AKAP7: variants seen among roughly 807,000 people sequenced by gnomAD.
The protein encoded by AKAP7 is A kinase (PRKA) anchor protein 7.
A neutral mutation model predicts 39.5 loss-of-function variants in AKAP7; 39 were observed. That is an observed-to-expected ratio of 0.99 (90% CI 0.76 to 1.29). The LOEUF (loss-of-function observed/expected upper bound fraction) is 1.29. AKAP7 is among the 50% of genes most tolerant of loss of function. AKAP7 has a pLI of 0.00. For missense variants in AKAP7, 414 were observed against 407.7 expected, an observed-to-expected ratio of 1.02 and a Z score of -0.13; for synonymous variants, 140 against 139.1, an observed-to-expected ratio of 1.01 and a Z score of -0.05.
intron 7 of AKAP7, among the ~76,000 whole-genome samples, chr6:131,277,385 A>T (rs543642798): frequency 1.1e-4 from 17 of 152,388 alleles, no homozygotes; most frequent in Middle Eastern, 3.4e-3. Context: ...TCCAAAAAAG[A>T]ATATTCCTAT....
rs1815235974 is a variant in AKAP7, at chr6:131,281,955, C to G, written c.*229C>G. 1.6e-6 allele frequency: 2 copies of G among 1,215,670 alleles called. No individual in the cohort carries two copies. Among genetic ancestry groups the G allele is most frequent in the Non-Finnish European group, 1.0e-6 (1 of 978,178 alleles). The allele number at this position is 1,215,670 out of a possible 1,614,324, so 75.3% of individuals were successfully genotyped here. ...ATTAATTGATGAAAGAAGAATGGCCCAAGTTTCATTCGCCCTCAGCCACGC... is the reference window on the plus strand; with the variant it reads ...ATTAATTGATGAAAGAAGAATGGCCGAAGTTTCATTCGCCCTCAGCCACGC... On this transcript the variant is annotated 3_prime_UTR_variant, in exon 8 of 8. Coordinates refer to ENST00000431975, the MANE Select transcript of AKAP7 (RefSeq NM_016377.4). The surrounding 1 kb of genome is among the most constrained non-coding windows in gnomAD (Gnocchi z 4.0).
chr6:131,277,853 ATTGG>A (rs1814870791), intron 7 of AKAP7, among the ~76,000 whole-genome samples: 1 of 152,020 alleles, frequency 6.6e-6, no homozygotes, highest in Non-Finnish European at 1.5e-5. Context: ...TATTGTTTTG[ATTGG>A]TTGGTTGGTT....
At chr6:131,197,977 G>A (rs541426422) in intron 5 of AKAP7, among the ~76,000 whole-genome samples, 105 of 152,254 alleles carry the variant, frequency 6.9e-4, no homozygotes, top group Middle Eastern at 3.4e-3. Context: ...TGTATCAAGC[G>A]AATGAGTTAC....
intron 4 of AKAP7, 47 bp downstream of exon 4, chr6:131,165,264 T>C (rs1320511881): frequency 7.0e-7 from 1 of 1,423,124 alleles, no homozygotes; most frequent in African/African-American, 1.4e-5. Flanking sequence ...ATTATTACTT[T>C]AATATGAGTA....
intron 5 of AKAP7, among the ~76,000 whole-genome samples, chr6:131,196,374 T>C (rs1806933421): frequency 6.6e-6 from 1 of 152,016 alleles, no homozygotes; most frequent in African/African-American, 2.4e-5. Context: ...TAAGCGATTT[T>C]CCTTCCTCTG....
intron 2 of AKAP7, among the ~76,000 whole-genome samples, chr6:131,152,724 G>C (rs1433476662): frequency 6.6e-6 from 1 of 151,652 alleles, no homozygotes; most frequent in African/African-American, 2.4e-5. Context: ...CTGTTTGGGA[G>C]GCTGAAACAT....
In AKAP7 at chr6:131,282,602, T is replaced by C; in HGVS notation, c.*876T>C. ...CGTTGATTTCAGCACAACTTTGACA[T>C]AAGCTCTACATTGCGATTGTGACAA... On this transcript the variant is annotated 3_prime_UTR_variant, in exon 8 of 8. Coordinates refer to ENST00000431975, the MANE Select transcript of AKAP7 (RefSeq NM_016377.4). 1 of 1,533,176 alleles carries C rather than the reference T, an allele frequency of 6.5e-7. No homozygotes were observed. The highest frequency in any genetic ancestry group is 8.7e-7 in the Non-Finnish European group (1 of 1,144,558). The allele number at this position is 1,533,176 out of a possible 1,614,324, so 95.0% of individuals were successfully genotyped here.
intron 7 of AKAP7, among the ~76,000 whole-genome samples, chr6:131,249,720 C>T (rs1812290919): frequency 6.6e-6 from 1 of 152,148 alleles, no homozygotes; most frequent in South Asian, 2.1e-4. Flanking sequence ...TTTGCTGCCC[C>T]TGAATTTGCT....
chr6:131,179,308 G>A (rs1372089830), intron 5 of AKAP7, among the ~76,000 whole-genome samples: 1 of 152,042 alleles, frequency 6.6e-6, no homozygotes, highest in Non-Finnish European at 1.5e-5. Flanking sequence ...CGAGTAGCTG[G>A]GATTACAGGT....
At chr6:131,139,547 G>C (rs1800849850) in intron 1 of AKAP7, among the ~76,000 whole-genome samples, 1 of 152,172 alleles carries the variant, frequency 6.6e-6, no homozygotes, top group Non-Finnish European at 1.5e-5. Context: ...TTGTGCTGAG[G>C]CTGCCACTAA....
chr6:131,211,082 A>G (rs1305342950), intron 6 of AKAP7, among the ~76,000 whole-genome samples: 1 of 152,140 alleles, frequency 6.6e-6, no homozygotes, highest in Non-Finnish European at 1.5e-5. Flanking sequence ...GGTACCTAAG[A>G]TGTACAAAGT....
At chr6:131,225,310 T>C (rs1810069893) in intron 7 of AKAP7, among the ~76,000 whole-genome samples, 1 of 152,150 alleles carries the variant, frequency 6.6e-6, no homozygotes, top group East Asian at 1.9e-4. Flanking sequence ...CCATGTGGGT[T>C]TTGTGGTTGT....
At chr6:131,271,823 C>T (rs559473762) in intron 7 of AKAP7, among the ~76,000 whole-genome samples, 41 of 152,194 alleles carry the variant, frequency 2.7e-4, no homozygotes, top group Non-Finnish European at 3.1e-4. Context: ...GACAAGGCCA[C>T]GAATAGGTAC....
chr6:131,253,237 C>G (rs1368747776), intron 7 of AKAP7: 1 of 828,684 alleles, frequency 1.2e-6, no homozygotes, highest in Non-Finnish European at 1.8e-6. Flanking sequence ...CTATTGATAG[C>G]AAATGATGAT....
intron 3 of AKAP7, among the ~76,000 whole-genome samples, chr6:131,161,602 G>A (rs1038005031): frequency 5.9e-5 from 7 of 118,606 alleles, no homozygotes; most frequent in Admixed American, 4.6e-4. Context: ...CCAAGGTTGT[G>A]CCACTGCACT....
At chr6:131,138,430 G>C (rs1449240543) in intron 1 of AKAP7, among the ~76,000 whole-genome samples, 1 of 152,024 alleles carries the variant, frequency 6.6e-6, no homozygotes, top group Non-Finnish European at 1.5e-5. Context: ...TTGTTATTAG[G>C]CATTTAAGTT....
At chr6:131,128,597 C>T in the AKAP7 span, among the ~76,000 whole-genome samples, 204 of 151,982 alleles carry the variant, frequency 1.3e-3, no homozygotes, top group Non-Finnish European at 1.9e-3. Flanking sequence ...CCAAGGCAGG[C>T]GGATCCCCTG....
At chr6:131,274,877 C>T (rs1182961753) in intron 7 of AKAP7, among the ~76,000 whole-genome samples, 1 of 152,112 alleles carries the variant, frequency 6.6e-6, no homozygotes, top group Non-Finnish European at 1.5e-5. Context: ...TCTCCATCAT[C>T]CCTGTCGCCA....
intron 7 of AKAP7, among the ~76,000 whole-genome samples, chr6:131,227,598 G>A (rs1700622432): frequency 6.6e-6 from 1 of 152,208 alleles, no homozygotes; most frequent in Admixed American, 6.5e-5. Context: ...TAAGAGGCCA[G>A]GAGGAGGATA....
Sources: allele counts gnomAD v4.1 joint callset (sites outside exome capture counted in the v4.1 genomes callset), GRCh38; gene constraint gnomAD v4.1.1; non-coding constraint Gnocchi (gnomAD v3.1); transcripts MANE v1.5; gene names NCBI Gene and HGNC (gene_info 2026-07-23, HGNC 2026-07-21).